DPH6: variants seen among roughly 807,000 people sequenced by gnomAD.
DPH6 encodes diphthine--ammonia ligase.
In DPH6, 33 loss-of-function variants were observed where a neutral mutation model predicts 38.2. That is an observed-to-expected ratio of 0.86 (90% CI 0.65 to 1.15). The LOEUF (loss-of-function observed/expected upper bound fraction) is 1.15, where lower values mean the gene tolerates loss of function less well. Ranked by LOEUF, DPH6 falls within the 50% of genes most tolerant of loss-of-function variation. DPH6 has a pLI of 0.00. For missense variants in DPH6, 325 were observed against 320.0 expected, an observed-to-expected ratio of 1.02 and a Z score of -0.12; for synonymous variants, 108 against 103.0, an observed-to-expected ratio of 1.05 and a Z score of -0.30.
intron 2 of DPH6, among the ~76,000 whole-genome samples, chr15:35,541,843 T>C (rs986062126): frequency 6.6e-6 from 1 of 152,128 alleles, no homozygotes; most frequent in Non-Finnish European, 1.5e-5. Flanking sequence ...GTAGTCAATA[T>C]GAGGTCTGTG....
chr15:35,480,403 A>ATATTAATATTTATT (rs2054312938), intron 3 of DPH6, among the ~76,000 whole-genome samples: 1 of 152,092 alleles, frequency 6.6e-6, no homozygotes, highest in African/African-American at 2.4e-5. Flanking sequence ...AATTTCACCA[A>ATATTAATATTTATT]AACAAGCTTT....
chr15:35,441,661 C>T (rs938627074), intron 5 of DPH6, among the ~76,000 whole-genome samples: 5 of 151,914 alleles, frequency 3.3e-5, no homozygotes, highest in Non-Finnish European at 5.9e-5. Context: ...GCCCTGCTGG[C>T]GGGTGGGGGG....
At chr15:35,429,227 A>T in intron 5 of DPH6, among the ~76,000 whole-genome samples, 1 of 152,170 alleles carries the variant, frequency 6.6e-6, no homozygotes, top group East Asian at 1.9e-4. Flanking sequence ...ACACATATTA[A>T]GCATACTGTC....
At chr15:35,169,615 G>A in the DPH6 span, 1 of 152,088 alleles carries the variant, frequency 6.6e-6, no homozygotes, top group Non-Finnish European at 1.5e-5. Flanking sequence ...ATATAACAAC[G>A]ATCCTCTACC....
chr15:35,509,958 A>G (rs1035236004), intron 3 of DPH6, among the ~76,000 whole-genome samples: 2 of 152,150 alleles, frequency 1.3e-5, no homozygotes, highest in African/African-American at 2.4e-5. Flanking sequence ...GCTCATCCCT[A>G]TTGTCCCAGC....
At chr15:35,529,886 C>A (rs187649709) in intron 3 of DPH6, among the ~76,000 whole-genome samples, 1 of 151,652 alleles carries the variant, frequency 6.6e-6, no homozygotes, top group Admixed American at 6.6e-5. Flanking sequence ...CCTATTAAAC[C>A]ATTTCTAACC....
intron 3 of DPH6, among the ~76,000 whole-genome samples, chr15:35,493,110 T>C (rs1282296054): frequency 1.3e-5 from 2 of 152,194 alleles, no homozygotes; most frequent in Non-Finnish European, 2.9e-5. Flanking sequence ...TCCACCAACA[T>C]TCTCTCATTT....
chr15:35,444,895 A>AC (rs777801548), intron 5 of DPH6, among the ~76,000 whole-genome samples: 1 of 151,890 alleles, frequency 6.6e-6, no homozygotes, highest in Non-Finnish European at 1.5e-5. Context: ...CCATTACTAA[A>AC]AATGCCTTCA....
In DPH6 at chr15:35,311,091, A is replaced by C. The variant is rs561249368; in HGVS notation, n.200+62430T>G. ...AACAACAACAACAACAAAAAAAAAA[A>C]CCCAAAAAAACCAGATCATAAGTTA... On this transcript the variant is annotated intron_variant and non_coding_transcript_variant, in intron 3 of 3. Coordinates refer to the DPH6 transcript ENST00000560386. Among the ~76,000 whole-genome samples the C allele has an allele frequency of 6.8e-3, 1,032 of 151,762 alleles. 5 individuals are homozygous for C. Among genetic ancestry groups the C allele is most frequent in the African/African-American group, 0.018 (761 of 41,398 alleles).
At chr15:35,201,452 C>A in the DPH6 span, among the ~76,000 whole-genome samples, 4 of 151,770 alleles carry the variant, frequency 2.6e-5, no homozygotes, top group African/African-American at 9.7e-5. Context: ...TAAAAATTAT[C>A]TTTTGCTATT....
chr15:35,302,203 A>G (rs933297194), intron 3 of DPH6, among the ~76,000 whole-genome samples: 2 of 152,146 alleles, frequency 1.3e-5, no homozygotes, highest in African/African-American at 4.8e-5. Context: ...ATACTTGGGG[A>G]CATTTATTTT....
intron 6 of DPH6, among the ~76,000 whole-genome samples, chr15:35,403,744 G>A (rs947751255): frequency 4.0e-5 from 6 of 151,768 alleles, no homozygotes; most frequent in East Asian, 1.9e-4. Flanking sequence ...CTGGACTGAA[G>A]TGATTCACTC....
intron 3 of DPH6, among the ~76,000 whole-genome samples, chr15:35,259,299 TAAAG>T (rs1186040109): frequency 1.3e-5 from 2 of 152,108 alleles, no homozygotes; most frequent in African/African-American, 4.8e-5. Context: ...TGGGGTAACT[TAAAG>T]AAGAGAAGAA....
intron 2 of DPH6, among the ~76,000 whole-genome samples, chr15:35,542,128 G>C (rs2065764775): frequency 6.6e-6 from 1 of 152,074 alleles, no homozygotes. Context: ...GAAGGTTCAA[G>C]TCTTAACTCT....
chr15:35,539,089 A>T (rs1226596065), intron 2 of DPH6, among the ~76,000 whole-genome samples: 1 of 152,078 alleles, frequency 6.6e-6, no homozygotes, highest in Non-Finnish European at 1.5e-5. Context: ...AGTGGTTGTC[A>T]CAAGATTCCA....
intron 5 of DPH6, among the ~76,000 whole-genome samples, chr15:35,425,215 T>C (rs528223833): frequency 1.3e-5 from 2 of 151,584 alleles, no homozygotes; most frequent in African/African-American, 2.4e-5. Flanking sequence ...TTTCCAATCA[T>C]GCCAAGTAAG....
chr15:35,465,175 C>T (rs986127163), intron 3 of DPH6, among the ~76,000 whole-genome samples: 1 of 152,110 alleles, frequency 6.6e-6, no homozygotes, highest in African/African-American at 2.4e-5. Context: ...TTGCATTTAT[C>T]GGGGATATAA....
intron 3 of DPH6, among the ~76,000 whole-genome samples, chr15:35,476,616 G>GT (rs2054266939): frequency 6.6e-6 from 1 of 151,478 alleles, no homozygotes; most frequent in African/African-American, 2.4e-5. Flanking sequence ...TATAGTCAAT[G>GT]TACAGAAGAA....
At chr15:35,243,734 G>A (rs182490365) in intron 3 of DPH6, among the ~76,000 whole-genome samples, 3 of 150,740 alleles carry the variant, frequency 2.0e-5, no homozygotes, top group African/African-American at 7.3e-5. Context: ...TCCCTTTGCT[G>A]ACTCTCTTTT....
Sources: allele counts gnomAD v4.1 joint callset (sites outside exome capture counted in the v4.1 genomes callset), GRCh38; gene constraint gnomAD v4.1.1; transcripts MANE v1.5; gene names NCBI Gene and HGNC (gene_info 2026-07-23, HGNC 2026-07-21).